PRKCI: variants seen among roughly 807,000 people sequenced by gnomAD.
The protein encoded by PRKCI is protein kinase C iota.
A neutral mutation model predicts 84.0 loss-of-function variants in PRKCI; 43 were observed. That is an observed-to-expected ratio of 0.51 (90% CI 0.40 to 0.66). The LOEUF is 0.66. PRKCI is among the 30% of genes least tolerant of loss of function. The probability of loss-of-function intolerance (pLI) is 0.00; values close to 1 mark genes in which losing one functional copy is unlikely to be tolerated. For synonymous variants in PRKCI, 216 were observed against 234.4 expected, an observed-to-expected ratio of 0.92 and a Z score of 0.72; for missense variants, 459 against 745.6, an observed-to-expected ratio of 0.62 and a Z score of 4.48.
At chr3:170,255,055 C>CTTTT (rs34437904) in intron 2 of PRKCI, among the ~76,000 whole-genome samples, 4 of 38,854 alleles carry the variant, frequency 1.0e-4, no homozygotes, top group African/African-American at 4.9e-4. Context: ...AGATCTTTCA[C>CTTTT]TTTTTTTTTT....
chr3:170,223,916 CTT>C (rs3842653), intron 1 of PRKCI, among the ~76,000 whole-genome samples: 8 of 150,088 alleles, frequency 5.3e-5, no homozygotes, highest in African/African-American at 1.7e-4. Context: ...GATGTAAGGA[CTT>C]TTTTTTTTAT....
intron 2 of PRKCI, among the ~76,000 whole-genome samples, chr3:170,255,953 A>G (rs1733572807): frequency 1.3e-5 from 2 of 151,992 alleles, no homozygotes; most frequent in African/African-American, 4.8e-5. Context: ...ATCATGTTTT[A>G]TTCTGTTCTA....
At chr3:170,237,568 CT>C (rs1047395859) in intron 2 of PRKCI, among the ~76,000 whole-genome samples, 2 of 152,120 alleles carry the variant, frequency 1.3e-5, no homozygotes, top group Non-Finnish European at 2.9e-5. Context: ...AAATATACTA[CT>C]TTTTTTACAA....
intron 7 of PRKCI, among the ~76,000 whole-genome samples, chr3:170,274,149 C>T (rs768681013): frequency 1.3e-5 from 2 of 151,736 alleles, no homozygotes; most frequent in East Asian, 1.9e-4. Context: ...CTTTTTCTTT[C>T]GAGACAGAGT....
At chr3:170,259,513 A>T (rs554745398) in intron 2 of PRKCI, among the ~76,000 whole-genome samples, 1 of 151,826 alleles carries the variant, frequency 6.6e-6, no homozygotes, top group African/African-American at 2.4e-5. Context: ...TAAATATCTA[A>T]ATATTTGTCC....
intron 2 of PRKCI, among the ~76,000 whole-genome samples, chr3:170,236,761 T>C (rs1732986995): frequency 6.7e-6 from 1 of 150,306 alleles, no homozygotes; most frequent in Non-Finnish European, 1.5e-5. Context: ...CTTGGGAGGC[T>C]GAGGTGGGAA....
chr3:170,273,452 A>T, intron 7 of PRKCI, 112 bp downstream of exon 7: 1 of 999,672 alleles, frequency 1.0e-6, no homozygotes, highest in Non-Finnish European at 1.5e-6. Context: ...CCCAATTAAA[A>T]GTAAATACAT....
At chr3:170,275,383 A>G (rs1302995691) in intron 8 of PRKCI, 96 bp downstream of exon 8, 1 of 1,143,474 alleles carries the variant, frequency 8.7e-7, no homozygotes, top group African/African-American at 1.6e-5. Context: ...TAGACTTTAG[A>G]TCATAATGGT....
chr3:170,267,868 C>A, intron 4 of PRKCI, 47 bp from the exon 5 acceptor site: 1 of 1,375,318 alleles, frequency 7.3e-7, no homozygotes, highest in Non-Finnish European at 1.0e-6. Flanking sequence ...ATGATTTTTA[C>A]TCAAACTTGC....
chr3:170,290,631 T>A (rs1734528150), intron 12 of PRKCI, among the ~76,000 whole-genome samples: 1 of 152,186 alleles, frequency 6.6e-6, no homozygotes, highest in Non-Finnish European at 1.5e-5. Flanking sequence ...TATAGATTAT[T>A]CTCATATTAA....
At chr3:170,279,495 C>T (rs1411257220) in intron 8 of PRKCI, among the ~76,000 whole-genome samples, 1 of 152,056 alleles carries the variant, frequency 6.6e-6, no homozygotes, top group East Asian at 1.9e-4. Context: ...CTCATGGGTC[C>T]ATTGTGTGCT....
chr3:170,298,924 A>G (rs1048614443), intron 16 of PRKCI, 71 bp from the exon 17 acceptor site: 35 of 936,472 alleles, frequency 3.7e-5, no homozygotes, highest in Non-Finnish European at 5.6e-5. Context: ...CAATGAGTGC[A>G]GAGGAGAACT....
chr3:170,296,475 G>A (rs1430267581), intron 15 of PRKCI, among the ~76,000 whole-genome samples: 1 of 152,174 alleles, frequency 6.6e-6, no homozygotes, highest in African/African-American at 2.4e-5. Context: ...TCTTAAAAAT[G>A]TGAACATCAT....
At chr3:170,294,738 A>G (rs1358737838) in intron 14 of PRKCI, among the ~76,000 whole-genome samples, 1 of 152,214 alleles carries the variant, frequency 6.6e-6, no homozygotes, top group Non-Finnish European at 1.5e-5. Context: ...AAACTGAGGC[A>G]TAATTAGGTA....
intron 2 of PRKCI, among the ~76,000 whole-genome samples, chr3:170,255,771 G>A (rs970406133): frequency 1.3e-5 from 2 of 152,122 alleles, no homozygotes; most frequent in Non-Finnish European, 2.9e-5. Flanking sequence ...CTCCCATTCA[G>A]TATGATACTA....
At chr3:170,233,274 T>G (rs1449145545) in intron 1 of PRKCI, among the ~76,000 whole-genome samples, 2 of 142,068 alleles carry the variant, frequency 1.4e-5, no homozygotes, top group African/African-American at 2.6e-5. Context: ...TTATAATAGA[T>G]TCTATATTTT....
At chr3:170,266,491 A>G (rs935072850) in intron 4 of PRKCI, among the ~76,000 whole-genome samples, 1 of 152,182 alleles carries the variant, frequency 6.6e-6, no homozygotes, top group Non-Finnish European at 1.5e-5. Context: ...TCTAATCGTA[A>G]GTAAACAGAC....
At chr3:170,293,760 C>A (rs1401979843) in intron 14 of PRKCI, among the ~76,000 whole-genome samples, 3 of 152,164 alleles carry the variant, frequency 2.0e-5, no homozygotes, top group African/African-American at 7.2e-5. Flanking sequence ...TCAAGCAATT[C>A]TTCTGCCTCA....
chr3:170,238,852 A>G (rs1398595722), intron 2 of PRKCI, among the ~76,000 whole-genome samples: 2 of 152,056 alleles, frequency 1.3e-5, no homozygotes, highest in African/African-American at 4.8e-5. Flanking sequence ...TGGCCTCCCA[A>G]AGTGCTGGGA....
Sources: gnomAD v4.1 joint callset for allele counts (sites outside exome capture counted in the v4.1 genomes callset) on GRCh38, gnomAD v4.1.1 for gene constraint, MANE v1.5 for transcripts, NCBI Gene and HGNC (gene_info 2026-07-23, HGNC 2026-07-21) for gene names.